The following EPPK1 variants were observed in gnomAD, a reference collection of about 807,000 sequenced individuals.
EPPK1 encodes the protein epiplakin 1, also known as epiplakin.
For synonymous variants in EPPK1, 1,862 were observed against 1,721.2 expected, an observed-to-expected ratio of 1.08 and a Z score of -2.03; for missense variants, 3,823 against 3,673.3, an observed-to-expected ratio of 1.04 and a Z score of -1.05.
Position 143,872,821 on chromosome 8 carries a change from C to T in EPPK1, c.433G>A (p.Ala145Thr), listed in dbSNP as rs782017583. ...ACCTCCAGCCAGCTCTGCCCCAGGG[C>T]CCTGTCCACAACCTCCTTCCCGATG... ...QAIGKEVVDR[A>T]LGQSWLEVQL... The change falls in exon 2 of 2, where the codon GCC becomes ACC. Residue 145 changes from alanine (A) to threonine (T), a missense_variant. By Grantham distance (58) the Ala-to-Thr change is moderately conservative. Transcript: ENST00000615648. 3 of 1,564,512 alleles carry T rather than the reference C, an allele frequency of 1.9e-6. No individual in the cohort carries two copies. The highest frequency in any genetic ancestry group is 1.7e-6 in the Non-Finnish European group (2 of 1,153,464).
In EPPK1 at chr8:143,869,963, C is replaced by T. The variant is rs1554660556; in HGVS notation, c.3291G>A (p.Gln1097=). 6.2e-7 allele frequency: 1 copy of T among 1,606,182 alleles called. No homozygotes were observed. Among genetic ancestry groups the T allele is most frequent in the Non-Finnish European group, 8.5e-7 (1 of 1,176,192 alleles). Reference sequence around the variant, plus strand: ...CATCCCTGGGGCACTCCTCCAGGAGCTGGGCATAGCTCGTGCGCCCCTGGC... The same window carrying T: ...CATCCCTGGGGCACTCCTCCAGGAGTTGGGCATAGCTCGTGCGCCCCTGGC... ...PDGQGRTSYA[Q]LLEECPRDET... Residue 1097 remains glutamine (Q), a synonymous_variant, in exon 2 of 2, where the codon CAG becomes CAA. Coordinates refer to ENST00000615648, the MANE Select transcript of EPPK1 (RefSeq NM_031308.4).
intron 1 of EPPK1, among the ~76,000 whole-genome samples, chr8:143,877,873 C>T (rs73715518): frequency 0.1 from 15,553 of 152,032 alleles, 885 homozygotes; most frequent in African/African-American, 0.13. Context: ...CCTGCCTCTG[C>T]CTCCCACGGG....
rs782326896 is a variant in EPPK1 at position 143,869,990 on chromosome 8, G to A, written c.3264C>T (p.Asp1088=). Residue 1088 remains aspartate, a synonymous_variant, in exon 2 of 2, where the codon GAC becomes GAT. Transcript: ENST00000615648. ...SSSSETFPTP[D]GQGRTSYAQL... ...GGGCATAGCTCGTGCGCCCCTGGCC[G>A]TCCGGTGTGGGGAAGGTTTCGGAGG... is the stretch of plus-strand genomic sequence containing the variant. The A allele has an allele frequency of 4.1e-5, 66 of 1,607,826 alleles. No individual in the cohort carries two copies. Among genetic ancestry groups the A allele is most frequent in the Admixed American group, 3.0e-4 (18 of 59,434 alleles).
rs369595774 is a variant in EPPK1, at chr8:143,868,853, C to T, written c.4401G>A (p.Val1467=). 1.2e-6 allele frequency: 2 copies of T among 1,608,836 alleles called. No individual in the cohort carries two copies. The highest frequency in any genetic ancestry group is 1.7e-5 in the Admixed American group (1 of 59,938). Residue 1467 remains valine, a synonymous_variant, in exon 2 of 2, where the codon GTG becomes GTA. Transcript: ENST00000615648. ...VSTGRFKGCS[V]SLWDLLLSEY... is the part of the protein sequence containing the mutation. ...CGGAGAGCAGCAGGTCCCAGAGTGA[C>T]ACGCTACACCCCTTAAACCTCCCTG...
chr8:143,873,004 G>A lies in EPPK1; in HGVS notation c.250C>T (p.Leu84=). 1 of 1,576,858 alleles carries A rather than the reference G, an allele frequency of 6.3e-7. No homozygotes were observed. Among genetic ancestry groups the A allele is most frequent in the Non-Finnish European group, 8.6e-7 (1 of 1,161,188 alleles). ...LLEAQAATGG[L]VDLARGQLLP... is the part of the protein sequence containing the mutation. ...AGCTGGCCCCGGGCGAGGTCCACCA[G>A]GCCCCCAGTGGCTGCCTGGGCCTCT... Residue 84 remains leucine, a synonymous_variant, in exon 2 of 2, where the codon CTG becomes TTG. Coordinates refer to ENST00000615648, the MANE Select transcript of EPPK1 (RefSeq NM_031308.4).
rs1187480311 is a variant in EPPK1 at position 143,868,350 on chromosome 8, C to T, written c.4904G>A (p.Gly1635Glu). 6.2e-6 allele frequency: 10 copies of T among 1,612,906 alleles called. No individual in the cohort carries two copies. Among genetic ancestry groups the T allele is most frequent in the Admixed American group, 3.3e-5 (2 of 59,994 alleles). The change falls in exon 2 of 2, where the codon GGG (glycine) becomes GAG (glutamate). Residue 1635 changes from glycine to glutamate, a missense_variant. By Grantham distance (98) the Gly-to-Glu change is moderately conservative (BLOSUM62 -2). Coordinates refer to ENST00000615648, the MANE Select transcript of EPPK1 (RefSeq NM_031308.4). ...VEEAFKAGMF[G>E]KETYVKLLSA... ...CAGCAGCTTCACGTAGGTTTCTTTC[C>T]CGAACATTCCTGCTTTGAACGCCTC...
chr8:143,878,363 C>CCCGCCGCACCTGCCCGCAT (rs1554662581), intron 1 of EPPK1, 75 bp downstream of exon 1: 2 of 145,902 alleles, frequency 1.4e-5, no homozygotes, highest in African/African-American at 5.1e-5. Context: ...CGCACCCGCA[C>CCCGCCGCACCTGCCCGCAT]CCGCCGCACC....
Position 143,857,993 on chromosome 8 carries a change from T to C in EPPK1, c.15261A>G (p.Leu5087=). 4.4e-6 allele frequency: 7 copies of C among 1,599,056 alleles called. No individual in the cohort carries two copies. The highest frequency in any genetic ancestry group is 3.4e-5 in the Admixed American group (2 of 58,740). ...CTGCACGGAGGAAGCCCAGTCACTG[T>C]AGAGAGAGAGAAAGAAATAGGAGCC... ...ETGLLFLSLS[L]Q Residue 5087 remains leucine, a synonymous_variant, in exon 2 of 2, where the codon CTA becomes CTG. Transcript: ENST00000615648.
intron 1 of EPPK1, among the ~76,000 whole-genome samples, chr8:143,877,396 A>G (rs1819502600): frequency 6.6e-6 from 1 of 152,142 alleles, no homozygotes; most frequent in South Asian, 2.1e-4. Context: ...CTAGGAGAGC[A>G]CGGGGTCAGG....
At position 143,868,403 on chromosome 8, in the gene EPPK1, G is replaced by T; in HGVS notation, c.4851C>A (p.Pro1617=). 1 of 1,612,634 alleles carries T rather than the reference G, an allele frequency of 6.2e-7. No individual in the cohort carries two copies. The highest frequency in any genetic ancestry group is 1.1e-5 in the South Asian group (1 of 91,076). Residue 1617 remains proline (P), a synonymous_variant, in exon 2 of 2, where the codon CCC becomes CCA. Transcript: ENST00000615648. ...CCACGGTCAGCTTCCGGTTCTCCAC[G>T]GGGTCGATGATGAAGCCGGTAGCTG... ...AQAATGFIID[P]VENRKLTVEE... is the part of the protein sequence containing the mutation.
In EPPK1 at chr8:143,866,952, C is replaced by T. The variant is rs368041373; in HGVS notation, c.6302G>A (p.Arg2101Lys). 6.2e-7 allele frequency: 1 copy of T among 1,612,838 alleles called. No homozygotes were observed. Among genetic ancestry groups the T allele is most frequent in the Non-Finnish European group, 8.5e-7 (1 of 1,179,852 alleles). The change falls in exon 2 of 2, where the codon AGG (arginine) becomes AAG (lysine). Residue 2101 changes from arginine (R) to lysine (K), a missense_variant. Transcript: ENST00000615648. ...DSEHIDDETRRALEAEQVEIT... is the reference protein window; with the variant it reads ...DSEHIDDETRKALEAEQVEIT... ...TTCCACTTGCTCTGCCTCCAGGGCC[C>T]TTCTCGTCTCGTCATCGATGTGCTC...
chr8:143,870,450 A>G lies in EPPK1; in HGVS notation c.2804T>C (p.Val935Ala). ...YLCGLGAVGG[V>A]RLLPSGQRLS... ...CCGCTGGCCAGAGGGCAGCAGCCGCACACCGCCCACAGCTCCCAGGCCGCA... is the reference window on the plus strand; with the variant it reads ...CCGCTGGCCAGAGGGCAGCAGCCGCGCACCGCCCACAGCTCCCAGGCCGCA... The change falls in exon 2 of 2, where the codon GTG becomes GCG. Residue 935 changes from valine to alanine, a missense_variant. Coordinates refer to ENST00000615648, the MANE Select transcript of EPPK1 (RefSeq NM_031308.4). This position sits in a 1 kb window ranked among gnomAD's most constrained non-coding sequence, Gnocchi z 5.2. 1 of 1,600,242 alleles carries G rather than the reference A, an allele frequency of 6.2e-7. No individual in the cohort carries two copies. The highest frequency in any genetic ancestry group is 1.3e-5 in the African/African-American group (1 of 74,894).
chr8:143,875,062 G>A (rs1819454678), intron 1 of EPPK1, among the ~76,000 whole-genome samples: 1 of 152,028 alleles, frequency 6.6e-6, no homozygotes, highest in South Asian at 2.1e-4. Context: ...CCTACCCTCA[G>A]CTCCCCAAAT....
At position 143,857,452 on chromosome 8, in the gene EPPK1, G is replaced by C. The variant is rs1818911756; in HGVS notation, c.*535C>G. 1 of 153,502 alleles carries C rather than the reference G, an allele frequency of 6.5e-6. No homozygotes were observed. Among genetic ancestry groups the C allele is most frequent in the African/African-American group, 2.4e-5 (1 of 41,496 alleles). The allele number at this position is 153,502 out of a possible 1,614,324, so 9.5% of individuals were successfully genotyped here. A position where few individuals can be genotyped will look rare whatever the true frequency, so the allele number is the denominator to read the frequency against. Reference sequence around the variant, plus strand: ...CTAAGGTGGAGCAGCAGCCAATGGAGAGAATAAAGCCCATGCTTTTGGCCA... The same window carrying C: ...CTAAGGTGGAGCAGCAGCCAATGGACAGAATAAAGCCCATGCTTTTGGCCA... On this transcript the variant is annotated 3_prime_UTR_variant, in exon 2 of 2. Transcript: ENST00000615648.
Position 143,867,975 on chromosome 8 carries a change from A to G in EPPK1, c.5279T>C (p.Ile1760Thr), listed in dbSNP as rs570654385. ...PETGLYLLQI[I>T]KKGENYVYIN... ...GTACACGTAGTTTTCTCCTTTCTTT[A>G]TGATTTGTAGCAGGTACAGGCCCGT... The change falls in exon 2 of 2, where the codon ATA (isoleucine) becomes ACA (threonine). Residue 1760 changes from isoleucine (I) to threonine (T), a missense_variant. By Grantham distance (89) the Ile-to-Thr change is moderately conservative (BLOSUM62 -1). Transcript: ENST00000615648. 4.3e-6 allele frequency: 7 copies of G among 1,613,288 alleles called. No individual in the cohort carries two copies. In the East Asian group the frequency reaches 1.6e-4, roughly 36 times the overall value.
In EPPK1 at chr8:143,869,288, C is replaced by A; in HGVS notation, c.3966G>T (p.Arg1322Ser). ...AGGGATCTGGGTACCCGGCCGCCGC[C>A]CTCTCGGCCTGCCCGAGCTGCTCAC... ...ELSEQLGQAE[R>S]AAAGYPDPYS... The change falls in exon 2 of 2, where the codon AGG becomes AGT. Residue 1322 changes from arginine to serine, a missense_variant. Physicochemically the swap from Arg to Ser is moderately radical, Grantham distance 110. Transcript: ENST00000615648. The A allele has an allele frequency of 6.2e-7, 1 of 1,605,084 alleles. No individual in the cohort carries two copies. Among genetic ancestry groups the A allele is most frequent in the Non-Finnish European group, 8.5e-7 (1 of 1,175,676 alleles).
rs782066124 is a variant in EPPK1, at chr8:143,872,825, G to A, written c.429C>T (p.Asp143=). 9 of 1,562,794 alleles carry A rather than the reference G, an allele frequency of 5.8e-6. No homozygotes were observed. In the Admixed American group the frequency reaches 1.6e-4, roughly 29 times the overall value. Residue 143 remains aspartate (D), a synonymous_variant, in exon 2 of 2, where the codon GAC becomes GAT. Transcript: ENST00000615648. The part of the protein sequence containing the change: ...LFQAIGKEVV[D]RALGQSWLEV... ...CCAGCCAGCTCTGCCCCAGGGCCCT[G>A]TCCACAACCTCCTTCCCGATGGCCT...
rs557057619 is a variant in EPPK1 at position 143,868,330 on chromosome 8, G to A, written c.4924C>T (p.Leu1642=). Residue 1642 remains leucine (L), a synonymous_variant, in exon 2 of 2, where the codon CTG becomes TTG. Transcript: ENST00000615648. ...GTGACGGCGCGCTCGGCCGACAGCA[G>A]CTTCACGTAGGTTTCTTTCCCGAAC... ...GMFGKETYVK[L]LSAERAVTGY... is the part of the protein sequence containing the mutation. 17 of 1,613,174 alleles carry A rather than the reference G, an allele frequency of 1.1e-5. No individual in the cohort carries two copies. The South Asian group carries it at 1.9e-4, about 18-fold the overall frequency.
At chr8:143,873,600 C>A (rs1819425079) in intron 1 of EPPK1, among the ~76,000 whole-genome samples, 1 of 152,046 alleles carries the variant, frequency 6.6e-6, no homozygotes, top group Non-Finnish European at 1.5e-5. Context: ...GGCCAACGCC[C>A]TCCCGCCAGC....
Sources: gnomAD v4.1 joint callset for allele counts (sites outside exome capture counted in the v4.1 genomes callset) on GRCh38, gnomAD v4.1.1 for gene constraint, Gnocchi (gnomAD v3.1) non-coding constraint, MANE v1.5 for transcripts, NCBI Gene and HGNC (gene_info 2026-07-23, HGNC 2026-07-21) for gene names.